PSMD14: variants seen among roughly 807,000 people sequenced by gnomAD.
PSMD14 encodes proteasome 26S subunit, non-ATPase 14, also known as ubiquitin C-terminal hydrolase PSMD14.
A neutral mutation model predicts 41.2 loss-of-function variants in PSMD14; 7 were observed. That is an observed-to-expected ratio of 0.17 (90% CI 0.10 to 0.32). The LOEUF (loss-of-function observed/expected upper bound fraction) is 0.32, where lower values mean the gene tolerates loss of function less well. PSMD14 is among the 10% of genes least tolerant of loss of function. The probability of loss-of-function intolerance (pLI) is 1.00; values close to 1 mark genes in which losing one functional copy is unlikely to be tolerated. For synonymous variants in PSMD14, 114 were observed against 122.3 expected (o/e 0.93, Z 0.45); for missense variants, 139 against 375.6 (o/e 0.37, Z 5.21).
intron 3 of PSMD14, among the ~76,000 whole-genome samples, chr2:161,319,853 T>C (rs888303954): frequency 6.6e-6 from 1 of 152,192 alleles, no homozygotes; most frequent in Admixed American, 6.5e-5. Flanking sequence ...TTTATGACTT[T>C]TATAAAGTTG....
At position 161,340,855 on chromosome 2, in the gene PSMD14, T is replaced by A. The variant is rs1276888524; in HGVS notation, c.48+21982T>A. 6.2e-6 allele frequency: 10 copies of A among 1,613,930 alleles called. No homozygotes were observed. The Admixed American group carries it at 1.7e-4, about 27-fold the overall frequency. On this transcript the variant is annotated intron_variant, in intron 3 of 11. Coordinates refer to ENST00000409682, the MANE Select transcript of PSMD14 (RefSeq NM_005805.6). ...TGCTCCTCCTCCAGCTCCTCTTTGGTCATCATCTTCTCGTACTGGTTTCCC... is the reference window on the plus strand; with the variant it reads ...TGCTCCTCCTCCAGCTCCTCTTTGGACATCATCTTCTCGTACTGGTTTCCC...
chr2:161,344,406 G>A (rs988663817), intron 3 of PSMD14, among the ~76,000 whole-genome samples: 1 of 152,174 alleles, frequency 6.6e-6, no homozygotes, highest in African/African-American at 2.4e-5. Context: ...CAGAAAGAAA[G>A]CTAAGAGTTT....
chr2:161,400,970 T>A (rs1281794737), intron 10 of PSMD14, among the ~76,000 whole-genome samples: 1 of 152,204 alleles, frequency 6.6e-6, no homozygotes, highest in Non-Finnish European at 1.5e-5. Context: ...TAAAAATTTG[T>A]CAAAATGTAT....
intron 3 of PSMD14, among the ~76,000 whole-genome samples, chr2:161,363,475 C>T (rs985937219): frequency 3.9e-5 from 6 of 152,132 alleles, no homozygotes; most frequent in African/African-American, 1.4e-4. Flanking sequence ...TTATCTTGGT[C>T]TGTCCTCCAG....
intron 7 of PSMD14, chr2:161,381,522 A>C (rs1013013671): frequency 6.6e-6 from 1 of 151,850 alleles, no homozygotes. Context: ...TAATTTGAAG[A>C]GCTTTGCTTA....
intron 3 of PSMD14, among the ~76,000 whole-genome samples, chr2:161,350,437 G>A (rs190282690): frequency 1.3e-5 from 2 of 152,322 alleles, no homozygotes; most frequent in East Asian, 1.9e-4. Flanking sequence ...AAAACTAGAT[G>A]TGATAATGTT....
intron 9 of PSMD14, among the ~76,000 whole-genome samples, chr2:161,392,762 T>A (rs1480435064): frequency 6.6e-6 from 1 of 152,114 alleles, no homozygotes. Flanking sequence ...ATTTAGTTGA[T>A]TAAGTGTATT....
chr2:161,408,775 A>G, intron 10 of PSMD14, 62 bp from the exon 11 acceptor site: 4 of 1,282,500 alleles, frequency 3.1e-6, no homozygotes, highest in Non-Finnish European at 4.4e-6. Context: ...TTTGGTGATT[A>G]TCCTGCAGTG....
intron 3 of PSMD14, among the ~76,000 whole-genome samples, chr2:161,332,068 T>C (rs1013553831): frequency 1.3e-5 from 2 of 152,234 alleles, no homozygotes; most frequent in Non-Finnish European, 2.9e-5. Flanking sequence ...TTAAATAGTC[T>C]TGTAATTTTT....
intron 3 of PSMD14, among the ~76,000 whole-genome samples, chr2:161,357,918 T>C (rs1252909356): frequency 1.3e-5 from 2 of 149,440 alleles, no homozygotes; most frequent in Non-Finnish European, 3.0e-5. Context: ...TTTTTTTTAA[T>C]GGTGGTGAAA....
intron 3 of PSMD14, among the ~76,000 whole-genome samples, chr2:161,357,281 T>A (rs961061644): frequency 6.6e-6 from 1 of 152,024 alleles, no homozygotes; most frequent in African/African-American, 2.4e-5. Flanking sequence ...TGTACTGAGG[T>A]TTGTTTGCCT....
chr2:161,379,900 AC>A, intron 7 of PSMD14, among the ~76,000 whole-genome samples: 1 of 152,144 alleles, frequency 6.6e-6, no homozygotes, highest in South Asian at 2.1e-4. Context: ...AGGTTCTAGT[AC>A]CACTGCTGTG....
At chr2:161,333,059 T>C (rs1255561476) in intron 3 of PSMD14, among the ~76,000 whole-genome samples, 1 of 152,252 alleles carries the variant, frequency 6.6e-6, no homozygotes, top group Non-Finnish European at 1.5e-5. Flanking sequence ...GTGAAATGAC[T>C]TTAGCATCTG....
At chr2:161,313,379 T>A (rs981366804) in intron 1 of PSMD14, among the ~76,000 whole-genome samples, 2 of 152,234 alleles carry the variant, frequency 1.3e-5, no homozygotes, top group Admixed American at 1.3e-4. Flanking sequence ...AGATGGAGTC[T>A]TGCTGTGTCG....
At chr2:161,329,903 G>A (rs530405728) in intron 3 of PSMD14, among the ~76,000 whole-genome samples, 103 of 152,194 alleles carry the variant, frequency 6.8e-4, no homozygotes, top group African/African-American at 2.3e-3. Context: ...TGAAAAATAG[G>A]GTGTTCCTGA....
chr2:161,337,747 T>C (rs778994217), intron 3 of PSMD14, among the ~76,000 whole-genome samples: 19 of 152,204 alleles, frequency 1.2e-4, no homozygotes, highest in Admixed American at 2.0e-4. Flanking sequence ...ACATTTGCAG[T>C]AATTGAGATG....
At chr2:161,327,471 A>C (rs970861689) in intron 3 of PSMD14, among the ~76,000 whole-genome samples, 1 of 152,168 alleles carries the variant, frequency 6.6e-6, no homozygotes, top group African/African-American at 2.4e-5. Context: ...CTTTATAAGG[A>C]TTAAATAAAC....
chr2:161,368,225 T>A (rs13403207), intron 5 of PSMD14, among the ~76,000 whole-genome samples: 1 of 152,094 alleles, frequency 6.6e-6, no homozygotes. Context: ...TTGAACCAAG[T>A]GTTCAAAAGA....
intron 7 of PSMD14, among the ~76,000 whole-genome samples, chr2:161,378,651 G>A (rs1417392937): frequency 6.6e-6 from 1 of 151,912 alleles, no homozygotes; most frequent in East Asian, 1.9e-4. Flanking sequence ...TTGGTTTTGT[G>A]TCAGGACAGC....
Sources: allele counts gnomAD v4.1 joint callset (sites outside exome capture counted in the v4.1 genomes callset), GRCh38; gene constraint gnomAD v4.1.1; transcripts MANE v1.5; gene names NCBI Gene and HGNC (gene_info 2026-07-23, HGNC 2026-07-21).